The following KLHL1 variants were observed in gnomAD, a reference collection of about 807,000 sequenced individuals.
The protein encoded by KLHL1 is kelch-like protein 1.
In KLHL1, 47 loss-of-function variants were observed where a neutral mutation model predicts 77.7. The ratio of observed to expected loss-of-function variants is 0.60; its 90% CI spans 0.48 to 0.77. The LOEUF is 0.77. KLHL1 is among the 30% of genes least tolerant of loss of function. KLHL1 has a pLI of 0.00. For synonymous variants in KLHL1, 360 were observed against 325.2 expected (o/e 1.11, Z -1.15); for missense variants, 925 against 910.8 (o/e 1.02, Z -0.20).
chr13:70,034,036 CTAAA>C (rs1437274006), intron 1 of KLHL1, among the ~76,000 whole-genome samples: 1 of 152,082 alleles, frequency 6.6e-6, no homozygotes, highest in Non-Finnish European at 1.5e-5. Flanking sequence ...CAGCACTTCC[CTAAA>C]TAGAGTCAAA....
At chr13:70,024,590 A>C (rs1885884639) in intron 1 of KLHL1, among the ~76,000 whole-genome samples, 1 of 122,684 alleles carries the variant, frequency 8.2e-6, no homozygotes, top group African/African-American at 2.6e-5. Context: ...CCCCATTGCA[A>C]GATTCTGGTT....
chr13:69,737,850 T>C (rs1037061073), intron 8 of KLHL1, among the ~76,000 whole-genome samples: 1 of 152,002 alleles, frequency 6.6e-6, no homozygotes, highest in Non-Finnish European at 1.5e-5. Context: ...ACGAGGGGGA[T>C]TTTCCCCAGC....
At position 69,782,557 on chromosome 13, in the gene KLHL1, C is replaced by CTGAT. The variant is rs572168337; in HGVS notation, c.1639+14177_1639+14180dup. 5.6e-3 allele frequency among the ~76,000 whole-genome samples: 851 copies of CTGAT among 152,302 alleles called. 9 individuals carry two copies. Among genetic ancestry groups the CTGAT allele is most frequent in the Admixed American group, 8.7e-3 (133 of 15,306 alleles). On this transcript the variant is annotated intron_variant, in intron 7 of 10. Coordinates refer to ENST00000377844, the MANE Select transcript of KLHL1 (RefSeq NM_020866.3). ...AGGGTCCTACGCCCACAGAGTCTCACTGATTGCTAGCATAGGAGTCTGAGA... is the reference window on the plus strand; with the variant it reads ...AGGGTCCTACGCCCACAGAGTCTCACTGATTGATTGCTAGCATAGGAGTCTGAGA...
chr13:70,063,402 T>G (rs1886936019), intron 1 of KLHL1, among the ~76,000 whole-genome samples: 1 of 152,140 alleles, frequency 6.6e-6, no homozygotes, highest in Admixed American at 6.6e-5. Flanking sequence ...TAACATTTAG[T>G]AAAACTTCAT....
chr13:70,017,180 G>C (rs889763465), intron 1 of KLHL1, among the ~76,000 whole-genome samples: 2 of 152,186 alleles, frequency 1.3e-5, no homozygotes, highest in African/African-American at 4.8e-5. Context: ...CACTGAAAGA[G>C]CTGTTACACA....
rs180691975 is a variant in KLHL1, at chr13:69,717,668, A to T, written c.2015+1701T>A. On this transcript the variant is annotated intron_variant, in intron 9 of 10. Coordinates refer to ENST00000377844, the MANE Select transcript of KLHL1 (RefSeq NM_020866.3). ...AGCATTTATATAAGATATTCAAGGT[A>T]AAAGTAGGAGGCTCATCATATTCAT... is the stretch of plus-strand genomic sequence containing the variant. Among the ~76,000 whole-genome samples the T allele has an allele frequency of 2.2e-3, 331 of 152,256 alleles. 3 individuals are homozygous for T. The highest frequency in any genetic ancestry group is 1.3e-3 in the Non-Finnish European group (89 of 68,008).
chr13:69,963,664 C>T (rs982091003), intron 2 of KLHL1, among the ~76,000 whole-genome samples: 1 of 152,098 alleles, frequency 6.6e-6, no homozygotes, highest in African/African-American at 2.4e-5. Flanking sequence ...TAACACTCTA[C>T]CTTCATGGAT....
chr13:69,921,031 TC>T (rs1882615636), intron 4 of KLHL1, among the ~76,000 whole-genome samples: 2 of 152,304 alleles, frequency 1.3e-5, no homozygotes, highest in East Asian at 3.9e-4. Flanking sequence ...ATGAAGAGCC[TC>T]TGTATGTTAA....
chr13:69,962,727 A>C (rs951210098), intron 2 of KLHL1, among the ~76,000 whole-genome samples: 1 of 152,066 alleles, frequency 6.6e-6, no homozygotes, highest in Non-Finnish European at 1.5e-5. Context: ...GAGATGAATA[A>C]ATCTCTAATT....
chr13:69,799,897 C>T (rs576820328), intron 6 of KLHL1, among the ~76,000 whole-genome samples: 5 of 152,292 alleles, frequency 3.3e-5, no homozygotes, highest in African/African-American at 1.2e-4. Flanking sequence ...TCAGACCAGC[C>T]GTGGCATTAA....
At chr13:69,827,620 C>T (rs1566298581) in intron 6 of KLHL1, among the ~76,000 whole-genome samples, 1 of 151,050 alleles carries the variant, frequency 6.6e-6, no homozygotes, top group East Asian at 2.0e-4. Context: ...ATCCCAGCTA[C>T]TCGGGAGGCT....
chr13:69,873,120 G>C (rs749920989), intron 5 of KLHL1, among the ~76,000 whole-genome samples: 1 of 152,054 alleles, frequency 6.6e-6, no homozygotes, highest in Non-Finnish European at 1.5e-5. Flanking sequence ...ATTCCTCCTT[G>C]CCGGAATGTG....
At chr13:69,929,643 A>G (rs964325299) in intron 4 of KLHL1, among the ~76,000 whole-genome samples, 1 of 151,920 alleles carries the variant, frequency 6.6e-6, no homozygotes, top group Non-Finnish European at 1.5e-5. Context: ...TGAATGTCAT[A>G]AATTCTAGTA....
intron 3 of KLHL1, among the ~76,000 whole-genome samples, chr13:69,950,561 G>A (rs1348033704): frequency 6.6e-6 from 1 of 151,614 alleles, no homozygotes; most frequent in East Asian, 1.9e-4. Flanking sequence ...AATTTTGATT[G>A]TAAGAACAGT....
At chr13:69,962,504 T>G (rs1884094890) in intron 2 of KLHL1, among the ~76,000 whole-genome samples, 1 of 152,098 alleles carries the variant, frequency 6.6e-6, no homozygotes, top group African/African-American at 2.4e-5. Context: ...AGGCATTTTG[T>G]GTTTTTTTCT....
chr13:69,960,495 C>T (rs960246878), intron 3 of KLHL1, among the ~76,000 whole-genome samples: 2 of 151,938 alleles, frequency 1.3e-5, no homozygotes, highest in African/African-American at 4.8e-5. Context: ...CCTCTTCTTG[C>T]TAAATGTAAA....
At chr13:70,075,695 G>A (rs1887252771) in intron 1 of KLHL1, among the ~76,000 whole-genome samples, 1 of 138,340 alleles carries the variant, frequency 7.2e-6, no homozygotes, top group African/African-American at 2.8e-5. Flanking sequence ...ACACACGTGT[G>A]TATATATGAA....
intron 6 of KLHL1, among the ~76,000 whole-genome samples, chr13:69,812,209 G>A (rs928769057): frequency 4.6e-5 from 7 of 152,130 alleles, no homozygotes; most frequent in Admixed American, 2.0e-4. Context: ...GCAATTGAGC[G>A]GTTCTGAGTG....
intron 6 of KLHL1, among the ~76,000 whole-genome samples, chr13:69,813,565 G>C (rs1427175027): frequency 6.6e-6 from 1 of 151,694 alleles, no homozygotes; most frequent in Admixed American, 6.6e-5. Flanking sequence ...TCAGGATGCA[G>C]AATCAATGTA....
Sources: gnomAD v4.1 joint callset for allele counts (sites outside exome capture counted in the v4.1 genomes callset) on GRCh38, gnomAD v4.1.1 for gene constraint, MANE v1.5 for transcripts, NCBI Gene and HGNC (gene_info 2026-07-23, HGNC 2026-07-21) for gene names.